Variants in IFT80 observed in about 807,000 individuals in gnomAD.
IFT80 encodes intraflagellar transport 80, also known as intraflagellar transport protein 80 homolog.
Under a neutral mutation model 107.9 loss-of-function variants are expected in IFT80, and 79 were observed. That is an observed-to-expected ratio of 0.73 (90% CI 0.61 to 0.88). The LOEUF is 0.88. IFT80 is among the 40% of genes least tolerant of loss of function. IFT80 has a pLI of 0.00. For missense variants in IFT80, 797 were observed against 914.2 expected, an observed-to-expected ratio of 0.87 and a Z score of 1.65; for synonymous variants, 299 against 300.9, an observed-to-expected ratio of 0.99 and a Z score of 0.07.
At chr3:160,283,667 TATC>T (rs1714868180) in intron 13 of IFT80, among the ~76,000 whole-genome samples, 2 of 152,246 alleles carry the variant, frequency 1.3e-5, no homozygotes, top group African/African-American at 4.8e-5. Flanking sequence ...AAGAATTGCT[TATC>T]ATCGTCATCA....
intron 19 of IFT80, among the ~76,000 whole-genome samples, 180 bp from the exon 20 acceptor site, chr3:160,258,815 G>A (rs972679723): frequency 2.0e-4 from 31 of 152,096 alleles, no homozygotes; most frequent in Admixed American, 2.0e-3. Context: ...AATAATGCTT[G>A]GCCAGGCATA....
intron 12 of IFT80, among the ~76,000 whole-genome samples, chr3:160,297,596 T>C (rs1386973844): frequency 1.3e-5 from 2 of 152,082 alleles, no homozygotes; most frequent in African/African-American, 4.8e-5. Flanking sequence ...TTGCAACATT[T>C]AGTTATCTTC....
intron 2 of IFT80, chr3:160,383,965 C>T (rs967080059): frequency 5.2e-5 from 51 of 985,282 alleles, no homozygotes; most frequent in Non-Finnish European, 5.9e-5. Flanking sequence ...TTCATTTTGG[C>T]CAGGCGCGGT....
intron 2 of IFT80, among the ~76,000 whole-genome samples, chr3:160,382,339 C>A (rs922046601): frequency 5.3e-5 from 8 of 152,044 alleles, no homozygotes; most frequent in Non-Finnish European, 7.4e-5. Context: ...TTTATTTCTT[C>A]ACTTATTTTT....
intron 6 of IFT80, among the ~76,000 whole-genome samples, chr3:160,362,637 C>T (rs1419788139): frequency 6.6e-6 from 1 of 152,168 alleles, no homozygotes; most frequent in Non-Finnish European, 1.5e-5. Flanking sequence ...TACTGGCAAA[C>T]TGAATCCAGC....
chr3:160,381,156 G>T (rs1233051073), intron 3 of IFT80, among the ~76,000 whole-genome samples: 1 of 149,736 alleles, frequency 6.7e-6, no homozygotes, highest in South Asian at 2.1e-4. Flanking sequence ...AAGATTGTGT[G>T]AGCCCAGGAG....
intron 16 of IFT80, among the ~76,000 whole-genome samples, chr3:160,278,412 C>T (rs1272276515): frequency 6.6e-6 from 1 of 152,216 alleles, no homozygotes; most frequent in Non-Finnish European, 1.5e-5. Flanking sequence ...AAATGTCACA[C>T]CTGGTCAAAC....
chr3:160,381,702 C>T lies in IFT80; in HGVS notation c.60G>A (p.Val20=), dbSNP rs201088893. The part of the protein sequence containing the change: ...EPKHQELVSC[V]GWTTAEELYS... ...ACAGCTCTTCAGCAGTAGTCCAGCC[C>T]ACACAGCTTACTAATTCTTGATGTG... is the stretch of plus-strand genomic sequence containing the variant. The change falls in exon 3 of 20, where the codon GTG becomes GTA. Residue 20 remains valine (V), a synonymous_variant. Transcript: ENST00000326448. The T allele has an allele frequency of 2.7e-4, 442 of 1,611,898 alleles. 1 individual carries two copies. Among genetic ancestry groups the T allele is most frequent in the Middle Eastern group, 1.6e-3 (7 of 4,480 alleles).
At chr3:160,395,414 CATAT>C (rs1713698960) in intron 1 of IFT80, among the ~76,000 whole-genome samples, 1 of 152,166 alleles carries the variant, frequency 6.6e-6, no homozygotes, top group Non-Finnish European at 1.5e-5. Flanking sequence ...TTTCACCCTG[CATAT>C]ATATAGTCAC....
At chr3:160,324,864 T>C (rs1718563666) in intron 8 of IFT80, among the ~76,000 whole-genome samples, 1 of 152,104 alleles carries the variant, frequency 6.6e-6, no homozygotes, top group Non-Finnish European at 1.5e-5. Flanking sequence ...ACGACATGAC[T>C]GTATATCTAG....
intron 8 of IFT80, among the ~76,000 whole-genome samples, chr3:160,353,909 G>A (rs1202171662): frequency 6.6e-6 from 1 of 152,122 alleles, no homozygotes; most frequent in African/African-American, 2.4e-5. Context: ...AAAACGACTA[G>A]ATGCCTAACG....
At position 160,349,492 on chromosome 3, in the gene IFT80, T is replaced by A. The variant is rs377048487; in HGVS notation, c.777+6521A>T. Among the ~76,000 whole-genome samples, 27 of 152,038 alleles carry A rather than the reference T, an allele frequency of 1.8e-4. No homozygotes were observed. The East Asian group carries it at 2.7e-3, about 15-fold the overall frequency. On this transcript the variant is annotated intron_variant, in intron 8 of 19. Coordinates refer to ENST00000326448, the MANE Select transcript of IFT80 (RefSeq NM_020800.3). The stretch of plus-strand genomic sequence containing the variant: ...GAACACTGCACCTCAACTAAAAATT[T>A]GTGAAGAGCTCTCAAACACTAAATA...
At chr3:160,310,126 T>A (rs950545732) in intron 9 of IFT80, among the ~76,000 whole-genome samples, 1 of 152,206 alleles carries the variant, frequency 6.6e-6, no homozygotes, top group East Asian at 1.9e-4. Context: ...GGTCTATAAA[T>A]AACATTTCCT....
At chr3:160,263,955 G>C (rs1020988415) in intron 19 of IFT80, among the ~76,000 whole-genome samples, 2 of 152,182 alleles carry the variant, frequency 1.3e-5, no homozygotes, top group Non-Finnish European at 2.9e-5. Context: ...ACAGGCGTGA[G>C]CCACTGCGTC....
chr3:160,357,958 C>T (rs1440531440), intron 6 of IFT80, among the ~76,000 whole-genome samples: 4 of 152,120 alleles, frequency 2.6e-5, no homozygotes, highest in African/African-American at 9.7e-5. Flanking sequence ...CTTCATATAG[C>T]AGATTCCATT....
At chr3:160,293,323 G>C (rs1715716958) in intron 12 of IFT80, among the ~76,000 whole-genome samples, 1 of 152,174 alleles carries the variant, frequency 6.6e-6, no homozygotes, top group African/African-American at 2.4e-5. Context: ...TGATGGACTG[G>C]ACTAATTATT....
intron 11 of IFT80, among the ~76,000 whole-genome samples, chr3:160,302,010 A>G (rs1396507566): frequency 6.6e-6 from 1 of 152,038 alleles, no homozygotes; most frequent in Non-Finnish European, 1.5e-5. Context: ...TGGATTAAAG[A>G]CCATACATTT....
chr3:160,258,694 C>T, intron 19 of IFT80, 59 bp from the exon 20 acceptor site: 4 of 1,579,180 alleles, frequency 2.5e-6, no homozygotes, highest in Non-Finnish European at 3.4e-6. Context: ...TTTTTGTTTA[C>T]TCCAAAGTAA....
chr3:160,259,082 T>C (rs1212091221), intron 19 of IFT80, among the ~76,000 whole-genome samples: 2 of 152,114 alleles, frequency 1.3e-5, no homozygotes, highest in East Asian at 3.9e-4. Context: ...CACTCCAGCC[T>C]GGGTGACAGA....
Sources: allele counts gnomAD v4.1 joint callset (sites outside exome capture counted in the v4.1 genomes callset), GRCh38; gene constraint gnomAD v4.1.1; transcripts MANE v1.5; gene names NCBI Gene and HGNC (gene_info 2026-07-23, HGNC 2026-07-21).